COL8A1: variants seen among roughly 807,000 people sequenced by gnomAD.
COL8A1 encodes collagen type VIII alpha 1 chain, also known as collagen alpha-1(VIII) chain.
In COL8A1, 21 loss-of-function variants were observed where a neutral mutation model predicts 42.7. The ratio of observed to expected loss-of-function variants is 0.49; its 90% CI spans 0.35 to 0.71. The LOEUF is 0.71. Among genes scored for constraint, COL8A1 ranks in the 30% least tolerant of loss-of-function variants. COL8A1 has a pLI of 0.01. For missense variants in COL8A1, 788 were observed against 962.4 expected (o/e 0.82, Z 2.40); for synonymous variants, 367 against 369.1 (o/e 0.99, Z 0.06).
intron 2 of COL8A1, among the ~76,000 whole-genome samples, chr3:99,762,130 T>A (rs934435309): frequency 1.3e-5 from 2 of 152,162 alleles, no homozygotes; most frequent in South Asian, 4.1e-4. Context: ...ATTTTTGAGA[T>A]AAGGAAATAA....
chr3:99,743,239 A>T (rs1455457378), intron 1 of COL8A1, among the ~76,000 whole-genome samples: 1 of 152,218 alleles, frequency 6.6e-6, no homozygotes, highest in East Asian at 1.9e-4. Context: ...CAAGCTCTTG[A>T]GTCCATTTAC....
intron 1 of COL8A1, among the ~76,000 whole-genome samples, chr3:99,706,074 G>A (rs1939673221): frequency 6.6e-6 from 1 of 151,988 alleles, no homozygotes. Flanking sequence ...ATTACTGTTA[G>A]GTCAGGAAAA....
At chr3:99,754,147 T>C (rs1008928479) in intron 2 of COL8A1, among the ~76,000 whole-genome samples, 2 of 152,196 alleles carry the variant, frequency 1.3e-5, no homozygotes, top group African/African-American at 4.8e-5. Flanking sequence ...ATTAAAGAAA[T>C]GTTTCTACCT....
intron 1 of COL8A1, among the ~76,000 whole-genome samples, chr3:99,727,576 C>T (rs1460498268): frequency 2.0e-5 from 3 of 151,774 alleles, no homozygotes; most frequent in African/African-American, 7.3e-5. Flanking sequence ...GAATCCTTTC[C>T]CCATTGCTTG....
In COL8A1 at chr3:99,669,469, T is replaced by A. The variant is rs1440767722; in HGVS notation, c.-129+30805T>A. On this transcript the variant is annotated intron_variant, in intron 1 of 3. Coordinates refer to ENST00000652472, the MANE Select transcript of COL8A1 (RefSeq NM_020351.4). ...TGTCTGTAGTTAAATTGGAATGGCA[T>A]AATATCCATTAACTGAGATAATTGA... Among the ~76,000 whole-genome samples, 4 of 152,056 alleles carry A rather than the reference T, an allele frequency of 2.6e-5. No individual in the cohort carries two copies. In the East Asian group the frequency reaches 7.7e-4, roughly 29 times the overall value.
intron 1 of COL8A1, chr3:99,707,166 A>G (rs1327871166): frequency 6.6e-6 from 1 of 152,220 alleles, no homozygotes; most frequent in Non-Finnish European, 1.5e-5. Context: ...AACAGAGGCC[A>G]CAGGTAAGGC....
chr3:99,775,913 T>C (rs941718935), intron 2 of COL8A1, among the ~76,000 whole-genome samples: 2 of 152,182 alleles, frequency 1.3e-5, no homozygotes, highest in Non-Finnish European at 2.9e-5. Context: ...AAAAGATCCC[T>C]CCAAAAGAGG....
At chr3:99,686,986 G>T (rs2107329573) in intron 1 of COL8A1, among the ~76,000 whole-genome samples, 1 of 152,276 alleles carries the variant, frequency 6.6e-6, no homozygotes, top group Middle Eastern at 3.4e-3. Flanking sequence ...GGGATTACAG[G>T]CATGAGCCAT....
intron 1 of COL8A1, among the ~76,000 whole-genome samples, chr3:99,667,031 A>T (rs2107308245): frequency 6.6e-6 from 1 of 152,334 alleles, no homozygotes; most frequent in Non-Finnish European, 1.5e-5. Flanking sequence ...TATGAAAAGA[A>T]TAATAATCTG....
intron 2 of COL8A1, among the ~76,000 whole-genome samples, chr3:99,783,011 A>C (rs1334470525): frequency 1.3e-5 from 2 of 152,258 alleles, no homozygotes; most frequent in African/African-American, 2.4e-5. Context: ...AAACAAAAAA[A>C]AAATTAATTG....
intron 1 of COL8A1, among the ~76,000 whole-genome samples, chr3:99,672,028 A>G (rs576024795): frequency 6.6e-6 from 1 of 152,060 alleles, no homozygotes; most frequent in Non-Finnish European, 1.5e-5. Flanking sequence ...AGAACACACT[A>G]TTGAATTATG....
intron 1 of COL8A1, among the ~76,000 whole-genome samples, chr3:99,716,283 A>G (rs376540780): frequency 9.9e-5 from 15 of 152,022 alleles, no homozygotes; most frequent in East Asian, 3.9e-4. Context: ...TAATTCTCAC[A>G]TTGGTGGGGT....
chr3:99,675,286 T>A (rs139931775), intron 1 of COL8A1, among the ~76,000 whole-genome samples: 45 of 152,184 alleles, frequency 3.0e-4, no homozygotes, highest in Non-Finnish European at 4.0e-4. Flanking sequence ...TCCTTCCTTA[T>A]TTTTGGCCAT....
In COL8A1 at chr3:99,769,416, G is replaced by C. The variant is rs942254455; in HGVS notation, c.-3-21264G>C. Among the ~76,000 whole-genome samples, 7 of 152,204 alleles carry C rather than the reference G, an allele frequency of 4.6e-5. 1 individual carries two copies. Among genetic ancestry groups the C allele is most frequent in the Non-Finnish European group, 1.0e-4 (7 of 68,038 alleles). On this transcript the variant is annotated intron_variant, in intron 2 of 3. Coordinates refer to ENST00000652472, the MANE Select transcript of COL8A1 (RefSeq NM_020351.4). ...AGACATTCTGCTATCTGCCTCCTTG[G>C]TAGCCTGCCAACTATTCATGTGCTT...
intron 1 of COL8A1, among the ~76,000 whole-genome samples, chr3:99,715,947 A>G (rs1939982726): frequency 6.6e-6 from 1 of 152,070 alleles, no homozygotes; most frequent in Non-Finnish European, 1.5e-5. Context: ...GTGACAGAGA[A>G]TTAAAAGGTC....
At chr3:99,693,030 G>A (rs189768524) in intron 1 of COL8A1, among the ~76,000 whole-genome samples, 3 of 152,098 alleles carry the variant, frequency 2.0e-5, no homozygotes, top group African/African-American at 4.8e-5. Flanking sequence ...GTGGTGGCGT[G>A]TGTTTGTAAT....
intron 1 of COL8A1, among the ~76,000 whole-genome samples, chr3:99,661,560 C>A (rs1233395905): frequency 6.6e-6 from 1 of 152,134 alleles, no homozygotes. Context: ...GACATTATGG[C>A]AGCTCCTTAA....
At chr3:99,701,861 T>C (rs1161021725) in intron 1 of COL8A1, among the ~76,000 whole-genome samples, 1 of 152,204 alleles carries the variant, frequency 6.6e-6, no homozygotes, top group Non-Finnish European at 1.5e-5. Flanking sequence ...AGTTATAATA[T>C]GGAAAACTAT....
At chr3:99,664,013 CT>C (rs1305803601) in intron 1 of COL8A1, among the ~76,000 whole-genome samples, 4 of 152,164 alleles carry the variant, frequency 2.6e-5, no homozygotes, top group African/African-American at 9.7e-5. Flanking sequence ...CACAAAAGGC[CT>C]AACCCTAGTT....
Sources: allele counts gnomAD v4.1 joint callset (sites outside exome capture counted in the v4.1 genomes callset), GRCh38; gene constraint gnomAD v4.1.1; transcripts MANE v1.5; gene names NCBI Gene and HGNC (gene_info 2026-07-23, HGNC 2026-07-21).